The following CPS1 variants were observed in gnomAD, a reference collection of about 807,000 sequenced individuals.
CPS1 encodes carbamoyl-phosphate synthase 1.
CPS1 carries 109 observed loss-of-function variants against 174.6 expected under a neutral mutation model. The observed-to-expected ratio is 0.62, with a 90% CI of 0.53 to 0.73. The LOEUF (loss-of-function observed/expected upper bound fraction) is 0.73. Among genes scored for constraint, CPS1 ranks in the 30% least tolerant of loss-of-function variants. The pLI is 0.00. For missense variants in CPS1, 1,689 were observed against 1,821.9 expected, an observed-to-expected ratio of 0.93 and a Z score of 1.33; for synonymous variants, 637 against 632.0, an observed-to-expected ratio of 1.01 and a Z score of -0.12.
At position 210,674,981 on chromosome 2, in the gene CPS1, G is replaced by A; in HGVS notation, c.4161+20G>A. ...TTCAAGGTATGTTCATTAGTTTTAA[G>A]TTGTTTTCTGTCAGCATGGAATCTG... On this transcript the variant is annotated intron_variant, in intron 35 of 37. Coordinates refer to ENST00000233072, the MANE Select transcript of CPS1 (RefSeq NM_001875.5). 1.3e-6 allele frequency: 2 copies of A among 1,583,690 alleles called. No homozygotes were observed.
At chr2:210,627,493 G>A (rs957637893) in intron 21 of CPS1, among the ~76,000 whole-genome samples, 22 of 152,142 alleles carry the variant, frequency 1.4e-4, no homozygotes, top group Non-Finnish European at 2.6e-4. Context: ...TAGATAATTA[G>A]TTGCTGACCC....
intron 1 of CPS1, among the ~76,000 whole-genome samples, chr2:210,490,186 T>G (rs189665112): frequency 6.6e-6 from 1 of 152,334 alleles, no homozygotes; most frequent in African/African-American, 2.4e-5. Context: ...GAATACCATT[T>G]AGAAAAACGT....
chr2:210,632,843 C>G (rs1448741978), intron 21 of CPS1, among the ~76,000 whole-genome samples: 3 of 152,198 alleles, frequency 2.0e-5, no homozygotes, highest in Non-Finnish European at 4.4e-5. Flanking sequence ...TATCTGTATT[C>G]AAGTTAAGGT....
rs559315782 is a variant in CPS1, at chr2:210,596,122, AT to A, written c.1359+544del. Among the ~76,000 whole-genome samples the A allele has an allele frequency of 8.2e-4, 124 of 151,968 alleles. 4 individuals carry two copies. The South Asian group carries it at 0.024, about 30-fold the overall frequency. ...CTGGGAAACGGGATGATATGGCAACATTTTCAAGTAGAAAAAAAGATTTGAT... is the reference window on the plus strand; with the variant it reads ...CTGGGAAACGGGATGATATGGCAACATTTCAAGTAGAAAAAAAGATTTGAT... On this transcript the variant is annotated intron_variant, in intron 13 of 37. Transcript: ENST00000233072.
chr2:210,654,934 T>G (rs530005418), intron 29 of CPS1, among the ~76,000 whole-genome samples: 32 of 152,164 alleles, frequency 2.1e-4, no homozygotes, highest in Non-Finnish European at 4.0e-4. Flanking sequence ...TGAAACACCT[T>G]TAGAGATAAT....
intron 25 of CPS1, among the ~76,000 whole-genome samples, chr2:210,645,284 A>C (rs977172146): frequency 3.3e-5 from 5 of 152,194 alleles, no homozygotes; most frequent in Non-Finnish European, 7.3e-5. Flanking sequence ...TCTAGTCGTC[A>C]ATGATGAGAA....
chr2:210,658,814 T>C, intron 31 of CPS1, 126 bp downstream of exon 31: 1 of 728,430 alleles, frequency 1.4e-6, no homozygotes, highest in Non-Finnish European at 2.5e-6. Flanking sequence ...GATCTGTTTG[T>C]GTCTGAGTGT....
intron 36 of CPS1, among the ~76,000 whole-genome samples, chr2:210,676,307 A>G (rs533116068): frequency 1.0e-3 from 155 of 152,336 alleles, no homozygotes; most frequent in Non-Finnish European, 1.2e-3. Flanking sequence ...CCAGGTTTTC[A>G]TGCCTTAGAC....
chr2:210,627,661 C>T (rs1158743568), intron 21 of CPS1, among the ~76,000 whole-genome samples: 5 of 152,186 alleles, frequency 3.3e-5, no homozygotes, highest in Admixed American at 2.0e-4. Flanking sequence ...AGAGCACTCT[C>T]TCTCTAGAAG....
intron 1 of CPS1, among the ~76,000 whole-genome samples, chr2:210,510,665 A>G (rs1695440157): frequency 6.6e-6 from 1 of 152,250 alleles, no homozygotes; most frequent in South Asian, 2.1e-4. Flanking sequence ...CAGAATCTAC[A>G]AAGAACTCAA....
intron 1 of CPS1, among the ~76,000 whole-genome samples, chr2:210,531,769 T>G (rs577532812): frequency 5.9e-5 from 9 of 152,278 alleles, no homozygotes; most frequent in African/African-American, 2.2e-4. Flanking sequence ...GATGGTAGGA[T>G]CTCCTGGATG....
chr2:210,666,469 T>G (rs1283420604), intron 33 of CPS1, among the ~76,000 whole-genome samples: 1 of 152,032 alleles, frequency 6.6e-6, no homozygotes, highest in Non-Finnish European at 1.5e-5. Flanking sequence ...GGTCTAACGT[T>G]TAAGTCTTTA....
chr2:210,509,159 G>A (rs1043100272), intron 1 of CPS1, among the ~76,000 whole-genome samples: 1 of 152,164 alleles, frequency 6.6e-6, no homozygotes, highest in African/African-American at 2.4e-5. Flanking sequence ...GAATCCAGCA[G>A]CACATCAAAA....
At chr2:210,573,121 A>G (rs186030092) in intron 1 of CPS1, among the ~76,000 whole-genome samples, 177 bp from the exon 2 acceptor site, 4 of 152,182 alleles carry the variant, frequency 2.6e-5, no homozygotes, top group Admixed American at 2.0e-4. Context: ...CAGTTACAAG[A>G]GCTATATATT....
chr2:210,571,350 A>T (rs1377475923), intron 1 of CPS1, among the ~76,000 whole-genome samples: 1 of 151,944 alleles, frequency 6.6e-6, no homozygotes, highest in African/African-American at 2.4e-5. Flanking sequence ...GCCCAGGAAC[A>T]CACGCATATG....
At chr2:210,558,890 G>T (rs1477786504) in intron 1 of CPS1, among the ~76,000 whole-genome samples, 1 of 152,018 alleles carries the variant, frequency 6.6e-6, no homozygotes, top group Admixed American at 6.6e-5. Flanking sequence ...GGAGCACTAA[G>T]CCATCATTTC....
intron 33 of CPS1, among the ~76,000 whole-genome samples, chr2:210,667,133 G>T (rs1701129442): frequency 6.6e-6 from 1 of 152,094 alleles, no homozygotes; most frequent in African/African-American, 2.4e-5. Context: ...CTGTTTGTCT[G>T]TTATTGCTGT....
chr2:210,482,418 G>A lies in CPS1; in HGVS notation c.3+4652G>A, dbSNP rs140155538. 5.4e-3 allele frequency among the ~76,000 whole-genome samples: 812 copies of A among 151,178 alleles called. 5 individuals carry two copies. Among genetic ancestry groups the A allele is most frequent in the Non-Finnish European group, 8.5e-3 (578 of 67,808 alleles). ...CTCGGGTTCCAGCAATTCTCCCACC[G>A]CAGCCCCCTGAGTAGCTGGGATTAC... On this transcript the variant is annotated intron_variant, in intron 1 of 38. Transcript: ENST00000430249.
chr2:210,490,067 A>AGGAAG (rs1553717988), intron 1 of CPS1, among the ~76,000 whole-genome samples: 1 of 150,880 alleles, frequency 6.6e-6, no homozygotes, highest in Non-Finnish European at 1.5e-5. Flanking sequence ...GATGGAAGGA[A>AGGAAG]GAAGGAAGGA....
Sources: gnomAD v4.1 joint callset for allele counts (sites outside exome capture counted in the v4.1 genomes callset) on GRCh38, gnomAD v4.1.1 for gene constraint, MANE v1.5 for transcripts, NCBI Gene and HGNC (gene_info 2026-07-23, HGNC 2026-07-21) for gene names.